Variants in RIMS2 observed in about 807,000 individuals in gnomAD.
The protein encoded by RIMS2 is regulating synaptic membrane exocytosis protein 2.
RIMS2 carries 59 observed loss-of-function variants against 174.4 expected under a neutral mutation model. The observed-to-expected ratio is 0.34, with a 90% CI of 0.27 to 0.42. RIMS2 has a LOEUF of 0.42. RIMS2 is among the 10% of genes least tolerant of loss of function. The pLI, the probability that RIMS2 is intolerant of heterozygous loss-of-function variation, is 1.00. For missense variants in RIMS2, 1,620 were observed against 1,666.3 expected (o/e 0.97, Z 0.48); for synonymous variants, 606 against 572.5 (o/e 1.06, Z -0.84).
At chr8:104,087,651 G>A (rs2154564169) in intron 19 of RIMS2, among the ~76,000 whole-genome samples, 1 of 152,160 alleles carries the variant, frequency 6.6e-6, no homozygotes, top group South Asian at 2.1e-4. Context: ...GACCTCATAA[G>A]GTTTGGGAGA....
chr8:103,672,987 A>G (rs1036381343), intron 1 of RIMS2, among the ~76,000 whole-genome samples: 1 of 152,326 alleles, frequency 6.6e-6, no homozygotes, highest in East Asian at 1.9e-4. Context: ...TTTTTATCCC[A>G]AAAGGTAGAA....
At chr8:104,170,138 C>T (rs544286970) in intron 19 of RIMS2, among the ~76,000 whole-genome samples, 2 of 152,092 alleles carry the variant, frequency 1.3e-5, no homozygotes, top group South Asian at 4.2e-4. Context: ...TGTATATTCT[C>T]CAATTGTTGG....
At chr8:103,918,956 C>G (rs1188508796) in intron 9 of RIMS2, among the ~76,000 whole-genome samples, 2 of 152,102 alleles carry the variant, frequency 1.3e-5, no homozygotes, top group Non-Finnish European at 2.9e-5. Flanking sequence ...TACATTTATT[C>G]TAATTTCTAT....
intron 14 of RIMS2, among the ~76,000 whole-genome samples, chr8:103,956,858 A>G (rs2087455082): frequency 6.6e-6 from 1 of 152,242 alleles, no homozygotes; most frequent in South Asian, 2.1e-4. Flanking sequence ...TCCATTTGTC[A>G]AAGGGCTAAT....
At chr8:103,853,326 C>G (rs2099009744) in intron 3 of RIMS2, among the ~76,000 whole-genome samples, 1 of 151,774 alleles carries the variant, frequency 6.6e-6, no homozygotes, top group African/African-American at 2.4e-5. Context: ...TTCTCCCATT[C>G]TGTATGTAGT....
chr8:103,648,205 A>C (rs1002674285), intron 1 of RIMS2, among the ~76,000 whole-genome samples: 1 of 152,046 alleles, frequency 6.6e-6, no homozygotes, highest in Admixed American at 6.6e-5. Context: ...CAGGTTGTTC[A>C]ATTTCAATGT....
intron 14 of RIMS2, among the ~76,000 whole-genome samples, chr8:103,950,813 T>C (rs1441817595): frequency 6.6e-6 from 1 of 152,154 alleles, no homozygotes; most frequent in Non-Finnish European, 1.5e-5. Flanking sequence ...TGCATCCAGA[T>C]TGAAAAAGAA....
At chr8:104,235,729 A>C (rs1317168159) in intron 19 of RIMS2, among the ~76,000 whole-genome samples, 4 of 152,084 alleles carry the variant, frequency 2.6e-5, no homozygotes, top group Non-Finnish European at 5.9e-5. Flanking sequence ...ATTTGAGCAT[A>C]AGGTTAAGTT....
intron 15 of RIMS2, among the ~76,000 whole-genome samples, chr8:103,966,319 G>T (rs2091815741): frequency 6.6e-6 from 1 of 152,096 alleles, no homozygotes; most frequent in Non-Finnish European, 1.5e-5. Context: ...ATGTAGGCCT[G>T]TTCAGGTTAT....
intron 1 of RIMS2, among the ~76,000 whole-genome samples, chr8:103,685,702 C>T (rs2096933053): frequency 6.6e-6 from 1 of 152,150 alleles, no homozygotes; most frequent in Non-Finnish European, 1.5e-5. Flanking sequence ...TATCCTTTGT[C>T]AGTACCATGT....
At chr8:103,715,989 A>G (rs1012862301) in intron 2 of RIMS2, among the ~76,000 whole-genome samples, 3 of 152,012 alleles carry the variant, frequency 2.0e-5, no homozygotes, top group African/African-American at 4.8e-5. Flanking sequence ...TTGTAGGAAG[A>G]GTATTCTTTT....
At chr8:104,119,017 G>T (rs2098329224) in intron 19 of RIMS2, among the ~76,000 whole-genome samples, 1 of 151,890 alleles carries the variant, frequency 6.6e-6, no homozygotes, top group African/African-American at 2.4e-5. Flanking sequence ...ATTTTTGAGG[G>T]ACACAAATGT....
At chr8:103,809,152 T>C (rs1337210391) in intron 3 of RIMS2, among the ~76,000 whole-genome samples, 1 of 152,142 alleles carries the variant, frequency 6.6e-6, no homozygotes, top group Non-Finnish European at 1.5e-5. Flanking sequence ...ATCAGTGTCA[T>C]CTCTTGATCT....
At position 103,584,582 on chromosome 8, in the gene RIMS2, G is replaced by A. The variant is rs3095743; in HGVS notation, c.176+83520G>A. On this transcript the variant is annotated intron_variant, in intron 1 of 23. Transcript: ENST00000504942. ...TTATGAAAAAAGAAAAATTTAAAAT[G>A]GGGGAGGATGAAGTTAAGGCATAGA... Among the ~76,000 whole-genome samples, 37 of 152,182 alleles carry A rather than the reference G, an allele frequency of 2.4e-4. No homozygotes were observed. In the East Asian group the frequency reaches 5.0e-3, roughly 21 times the overall value.
At position 104,059,386 on chromosome 8, in the gene RIMS2, G is replaced by A. The variant is rs1324348004; in HGVS notation, c.3334+44771G>A. ...CTCTCTGTTTGTCTGTTATTGGTGC[G>A]TAAGAATGCTTGTGATTTTTGTACA... On this transcript the variant is annotated intron_variant, in intron 19 of 23. Coordinates refer to ENST00000504942, the Ensembl canonical transcript of RIMS2. 4.4e-3 allele frequency among the ~76,000 whole-genome samples: 663 copies of A among 150,022 alleles called. 5 individuals carry two copies. Among genetic ancestry groups the A allele is most frequent in the African/African-American group, 8.7e-3 (346 of 39,914 alleles).
intron 3 of RIMS2, among the ~76,000 whole-genome samples, chr8:103,882,386 TTTA>T (rs796170345): frequency 9.5e-4 from 144 of 151,694 alleles, no homozygotes; most frequent in African/African-American, 3.3e-3. Flanking sequence ...TGATAGAATA[TTTA>T]TTATTTTGAA....
intron 4 of RIMS2, among the ~76,000 whole-genome samples, chr8:103,889,776 GT>G (rs767188353): frequency 1.6e-4 from 25 of 151,718 alleles, no homozygotes; most frequent in Middle Eastern, 3.2e-3. Flanking sequence ...AATATACAGA[GT>G]TTCACTCAAA....
chr8:103,740,627 A>G (rs528237487), intron 2 of RIMS2, among the ~76,000 whole-genome samples: 2 of 152,308 alleles, frequency 1.3e-5, no homozygotes, highest in South Asian at 2.1e-4. Context: ...TTAATTTCGA[A>G]TAACCTGTTA....
intron 9 of RIMS2, among the ~76,000 whole-genome samples, chr8:103,919,810 C>T (rs535149660): frequency 2.4e-4 from 37 of 152,016 alleles, no homozygotes; most frequent in Non-Finnish European, 4.0e-4. Context: ...TCTTTGGCTA[C>T]GTGCTAAATG....
Sources: gnomAD v4.1 joint callset for allele counts (sites outside exome capture counted in the v4.1 genomes callset) on GRCh38, gnomAD v4.1.1 for gene constraint, MANE v1.5 for transcripts, NCBI Gene and HGNC (gene_info 2026-07-23, HGNC 2026-07-21) for gene names.